The following PDE9A variants were observed in gnomAD, a reference collection of about 807,000 sequenced individuals.
PDE9A encodes phosphodiesterase 9A.
PDE9A carries 60 observed loss-of-function variants against 87.4 expected under a neutral mutation model. That is an observed-to-expected ratio of 0.69 (90% CI 0.56 to 0.85). The LOEUF (loss-of-function observed/expected upper bound fraction) is 0.85, where lower values mean the gene tolerates loss of function less well. Among genes scored for constraint, PDE9A ranks in the 40% least tolerant of loss-of-function variants. PDE9A has a pLI of 0.00. For missense variants in PDE9A, 665 were observed against 779.0 expected, an observed-to-expected ratio of 0.85 and a Z score of 1.74; for synonymous variants, 272 against 279.4, an observed-to-expected ratio of 0.97 and a Z score of 0.27.
intron 16 of PDE9A, chr21:42,768,777 G>A (rs1026968616): frequency 2.0e-6 from 2 of 985,396 alleles, no homozygotes; most frequent in Non-Finnish European, 2.4e-6. Context: ...CGCTGCTGCC[G>A]TCCTGGGATA....
At chr21:42,753,906 A>G in intron 9 of PDE9A, 84 bp from the exon 10 acceptor site, 1 of 674,906 alleles carries the variant, frequency 1.5e-6, no homozygotes, top group Non-Finnish European at 2.6e-6. Flanking sequence ...AGAGAACGGG[A>G]GAAAGAGGAG....
chr21:42,726,618 A>ATTTTTTTTTT (rs1486108848), intron 4 of PDE9A, among the ~76,000 whole-genome samples: 32 of 23,040 alleles, frequency 1.4e-3, no homozygotes, highest in African/African-American at 8.6e-3. Context: ...ATATATATAT[A>ATTTTTTTTTT]TATATATTTT....
chr21:42,672,526 G>T (rs1277210064), intron 1 of PDE9A, among the ~76,000 whole-genome samples: 1 of 152,256 alleles, frequency 6.6e-6, no homozygotes, highest in Admixed American at 6.5e-5. Flanking sequence ...GGTTCACACA[G>T]GAGCAAGCTT....
rs1168517101 is a variant in PDE9A, at chr21:42,760,507, G to C, written c.1002+75G>C. ...GGAGGCCCCCTTCCAGGGAGCGGCA[G>C]CCCCATCCCACCAAGAGAGCCACAG... On this transcript the variant is annotated intron_variant, in intron 12 of 19. Coordinates refer to ENST00000291539, the MANE Select transcript of PDE9A (RefSeq NM_002606.3). This position sits in a 1 kb window ranked among gnomAD's most constrained non-coding sequence, Gnocchi z 5.2. 3.3e-6 allele frequency: 3 copies of C among 914,916 alleles called. No homozygotes were observed. In the African/African-American group the frequency reaches 4.9e-5, roughly 15 times the overall value. The allele number at this position is 914,916 out of a possible 1,614,324, so 56.7% of individuals were successfully genotyped here.
intron 3 of PDE9A, chr21:42,697,380 A>T: frequency 1.5e-6 from 2 of 1,340,176 alleles, no homozygotes; most frequent in Non-Finnish European, 2.1e-6. Flanking sequence ...CTTGGTGTGT[A>T]TACCCCTCCA....
intron 19 of PDE9A, among the ~76,000 whole-genome samples, chr21:42,774,482 T>G (rs1368039039): frequency 6.6e-6 from 1 of 152,190 alleles, no homozygotes; most frequent in Non-Finnish European, 1.5e-5. Flanking sequence ...CCATTTAATT[T>G]TTAAGTCAGT....
intron 1 of PDE9A, among the ~76,000 whole-genome samples, chr21:42,670,375 CACATTCACATTT>C (rs1164405753): frequency 0.02 from 2,576 of 126,506 alleles, 75 homozygotes; most frequent in African/African-American, 0.11. Context: ...CACATTCACA[CACATTCACATTT>C]ACATTCACAA....
chr21:42,674,353 T>C (rs1419335324), intron 1 of PDE9A, among the ~76,000 whole-genome samples: 1 of 149,388 alleles, frequency 6.7e-6, no homozygotes, highest in Non-Finnish European at 1.5e-5. Context: ...TCTCCATTTG[T>C]GGCCCAGGCT....
intron 1 of PDE9A, among the ~76,000 whole-genome samples, chr21:42,665,710 G>C (rs2057918452): frequency 1.3e-5 from 2 of 152,176 alleles, no homozygotes; most frequent in Non-Finnish European, 1.5e-5. Context: ...TCCTCACCAG[G>C]CACCCTTGGA....
intron 1 of PDE9A, among the ~76,000 whole-genome samples, chr21:42,677,254 G>T (rs1034559967): frequency 1.3e-5 from 2 of 152,188 alleles, no homozygotes; most frequent in African/African-American, 4.8e-5. Context: ...TGTTGCTAAG[G>T]CAATTGAATA....
At chr21:42,668,379 A>G (rs2058150427) in intron 1 of PDE9A, among the ~76,000 whole-genome samples, 1 of 152,094 alleles carries the variant, frequency 6.6e-6, no homozygotes. Flanking sequence ...AAGACAAGAC[A>G]AGGGTGAGGC....
chr21:42,653,862 C>T lies in PDE9A; in HGVS notation c.48C>T (p.Asp16=). ...ACCGGCCCAAGGCCATCTACCTGGA[C>T]ATCGATGGACGCATTCAGAAGGTAG... ...SSYRPKAIYL[D]IDGRIQKVIF... is the part of the protein sequence containing the mutation. The change falls in exon 1 of 20, where the codon GAC becomes GAT. Residue 16 remains aspartate (D), a synonymous_variant. Transcript: ENST00000291539. 3 of 1,567,312 alleles carry T rather than the reference C, an allele frequency of 1.9e-6. No individual in the cohort carries two copies. The highest frequency in any genetic ancestry group is 1.7e-4 in the Middle Eastern group (1 of 5,804).
At chr21:42,754,384 C>A (rs538339422) in intron 10 of PDE9A, among the ~76,000 whole-genome samples, 1 of 152,302 alleles carries the variant, frequency 6.6e-6, no homozygotes, top group South Asian at 2.1e-4. Context: ...CCCTCATGCA[C>A]GCCGGTGGCA....
At chr21:42,769,194 C>T (rs370189909) in intron 17 of PDE9A, 39 bp downstream of exon 17, 7 of 1,593,294 alleles carry the variant, frequency 4.4e-6, no homozygotes, top group Non-Finnish European at 6.0e-6. Flanking sequence ...TGCTTACACT[C>T]AGATACATGC....
At chr21:42,766,828 G>A (rs2056448427) in intron 15 of PDE9A, among the ~76,000 whole-genome samples, 1 of 152,204 alleles carries the variant, frequency 6.6e-6, no homozygotes, top group African/African-American at 2.4e-5. Flanking sequence ...AGTCAGGGGT[G>A]ACCCAGGCCC....
At chr21:42,674,316 C>CTTTTTAGACATTCTTTT (rs2058719371) in intron 1 of PDE9A, among the ~76,000 whole-genome samples, 1 of 134,608 alleles carries the variant, frequency 7.4e-6, no homozygotes, top group Non-Finnish European at 1.6e-5. Flanking sequence ...TTTAGACATT[C>CTTTTTAGACATTCTTTT]TTTTTTTTTT....
rs1360380548 is a variant in PDE9A, at chr21:42,722,224, C to T, written c.263-9546C>T. 6.6e-6 allele frequency among the ~76,000 whole-genome samples: 1 copy of T among 152,218 alleles called. No homozygotes were observed. Among genetic ancestry groups the T allele is most frequent in the Non-Finnish European group, 1.5e-5 (1 of 68,040 alleles). On this transcript the variant is annotated intron_variant, in intron 4 of 19. Transcript: ENST00000291539. The surrounding 1 kb of genome is among the most constrained non-coding windows in gnomAD (Gnocchi z 4.1). ...AACTTCTGACCTCATGATCCGCCCA[C>T]CTCAGCCTCCAGAAGTGCTGAGATT...
chr21:42,746,419 C>T (rs140480451), intron 8 of PDE9A, among the ~76,000 whole-genome samples: 110 of 152,338 alleles, frequency 7.2e-4, no homozygotes, highest in African/African-American at 2.5e-3. Context: ...AGGGGAGGGA[C>T]CTTCCCGGTC....
intron 4 of PDE9A, among the ~76,000 whole-genome samples, chr21:42,708,974 A>G (rs2049063737): frequency 1.3e-5 from 2 of 152,258 alleles, no homozygotes; most frequent in African/African-American, 2.4e-5. Flanking sequence ...AGGAATATAA[A>G]TCATTCTATT....
Sources: gnomAD v4.1 joint callset for allele counts (sites outside exome capture counted in the v4.1 genomes callset) on GRCh38, gnomAD v4.1.1 for gene constraint, Gnocchi (gnomAD v3.1) non-coding constraint, MANE v1.5 for transcripts, NCBI Gene and HGNC (gene_info 2026-07-23, HGNC 2026-07-21) for gene names.